The following PTPN12 variants were observed in gnomAD, a reference collection of about 807,000 sequenced individuals.
The protein encoded by PTPN12 is tyrosine-protein phosphatase non-receptor type 12.
Under a neutral mutation model 97.6 loss-of-function variants are expected in PTPN12, and 29 were observed. The observed-to-expected ratio is 0.30, with a 90% CI of 0.22 to 0.41. The LOEUF is 0.41. Among genes scored for constraint, PTPN12 ranks in the 10% least tolerant of loss-of-function variants. PTPN12 has a pLI of 1.00. For missense variants in PTPN12, 819 were observed against 926.0 expected (o/e 0.88, Z 1.50); for synonymous variants, 327 against 300.4 (o/e 1.09, Z -0.91).
intron 1 of PTPN12, among the ~76,000 whole-genome samples, chr7:77,556,968 GT>G (rs1177887131): frequency 2.4e-5 from 3 of 127,216 alleles, no homozygotes; most frequent in African/African-American, 8.9e-5. Context: ...TTGTTTGTTT[GT>G]TTTTGTTTGT....
At chr7:77,598,167 C>T (rs1456181903) in intron 7 of PTPN12, among the ~76,000 whole-genome samples, 4 of 152,072 alleles carry the variant, frequency 2.6e-5, no homozygotes, top group Admixed American at 2.0e-4. Flanking sequence ...CATGATTGTG[C>T]CACTGCACTC....
intron 1 of PTPN12, chr7:77,537,956 C>G (rs1182112851): frequency 5.1e-6 from 4 of 788,608 alleles, no homozygotes; most frequent in Non-Finnish European, 6.2e-6. Flanking sequence ...GGCCGGGAGC[C>G]GTAGGCAAGT....
intron 1 of PTPN12, among the ~76,000 whole-genome samples, chr7:77,548,070 G>A (rs139919588): frequency 1.3e-5 from 2 of 152,088 alleles, no homozygotes; most frequent in African/African-American, 4.8e-5. Context: ...CTTGTCACAT[G>A]GTAAATGTTC....
Position 77,610,285 on chromosome 7 carries a change from CTT to C in PTPN12, c.763-478_763-477del, listed in dbSNP as rs796102448. Reference sequence around the variant, plus strand: ...CTGGCCAATAGAATAAATTCAGTCTCTTTATTATGTTCACAGTCTGATCCTAA... The same window carrying C: ...CTGGCCAATAGAATAAATTCAGTCTCTATTATGTTCACAGTCTGATCCTAA... On this transcript the variant is annotated intron_variant, in intron 9 of 17. Coordinates refer to ENST00000248594, the MANE Select transcript of PTPN12 (RefSeq NM_002835.4). Among the ~76,000 whole-genome samples, 7 of 152,302 alleles carry C rather than the reference CTT, an allele frequency of 4.6e-5. No homozygotes were observed. In the South Asian group the frequency reaches 6.2e-4, roughly 14 times the overall value.
At chr7:77,587,829 A>C (rs2109923) in intron 5 of PTPN12, among the ~76,000 whole-genome samples, 110,077 of 152,198 alleles carry the variant, frequency 0.72, 41,216 homozygotes, top group East Asian at 0.9. Flanking sequence ...GCAGCCTCTA[A>C]ATCAGAATTT....
intron 2 of PTPN12, among the ~76,000 whole-genome samples, chr7:77,571,606 C>G (rs1007412420): frequency 2.0e-5 from 3 of 152,194 alleles, no homozygotes; most frequent in African/African-American, 7.2e-5. Context: ...TAGGATGACT[C>G]AAACATCTGT....
At chr7:77,540,291 G>T (rs1341866299) in intron 1 of PTPN12, among the ~76,000 whole-genome samples, 1 of 149,014 alleles carries the variant, frequency 6.7e-6, no homozygotes, top group East Asian at 2.0e-4. Context: ...AGGTTGGAGT[G>T]CAGTGGCTCA....
intron 5 of PTPN12, among the ~76,000 whole-genome samples, chr7:77,589,191 A>G (rs1162288085): frequency 6.6e-6 from 1 of 152,074 alleles, no homozygotes; most frequent in African/African-American, 2.4e-5. Flanking sequence ...AGGCCTGAAT[A>G]TCTTGATTAG....
intron 14 of PTPN12, among the ~76,000 whole-genome samples, chr7:77,634,396 TTTTTG>T (rs1305074294): frequency 6.6e-6 from 1 of 152,104 alleles, no homozygotes; most frequent in African/African-American, 2.4e-5. Context: ...TTTTGACTGA[TTTTTG>T]TTTTGTTTCA....
chr7:77,621,547 T>TGCCCTTGGG, intron 12 of PTPN12, among the ~76,000 whole-genome samples: 1 of 151,940 alleles, frequency 6.6e-6, no homozygotes, highest in Non-Finnish European at 1.5e-5. Context: ...CGGGCACCTG[T>TGCCCTTGGG]AGTCTCAGCT....
intron 15 of PTPN12, among the ~76,000 whole-genome samples, chr7:77,636,169 C>G (rs2061603737): frequency 1.3e-5 from 2 of 152,030 alleles, no homozygotes; most frequent in Non-Finnish European, 2.9e-5. Flanking sequence ...TTTTCAGGGT[C>G]CTAATTCTTT....
At position 77,627,025 on chromosome 7, in the gene PTPN12, G is replaced by C; in HGVS notation, c.1346G>C (p.Ser449Thr). The C allele has an allele frequency of 6.2e-7, 1 of 1,608,420 alleles. No homozygotes were observed. Among genetic ancestry groups the C allele is most frequent in the Non-Finnish European group, 8.5e-7 (1 of 1,178,200 alleles). The change falls in exon 13 of 18, where the codon AGT (serine) becomes ACT (threonine). Residue 449 changes from serine (S) to threonine (T), a missense_variant. Coordinates refer to ENST00000248594, the MANE Select transcript of PTPN12 (RefSeq NM_002835.4). ...GTCCCTCTCCAAGAGGGACCAAAAAGTTTTGATGGGAACACACTTTTGAAT... is the reference window on the plus strand; with the variant it reads ...GTCCCTCTCCAAGAGGGACCAAAAACTTTTGATGGGAACACACTTTTGAAT... Reference protein sequence around the residue: ...KKVPLQEGPKSFDGNTLLNRG... With the variant: ...KKVPLQEGPKTFDGNTLLNRG...
chr7:77,538,011 G>A (rs1584074310), intron 1 of PTPN12: 1 of 1,006,162 alleles, frequency 9.9e-7, no homozygotes, highest in Non-Finnish European at 1.2e-6. Context: ...ACACCTCCCC[G>A]CGCAGTTCGC....
At chr7:77,570,565 T>C (rs977840964) in intron 1 of PTPN12, among the ~76,000 whole-genome samples, 2 of 152,228 alleles carry the variant, frequency 1.3e-5, no homozygotes, top group Admixed American at 1.3e-4. Context: ...TGTAATGCAG[T>C]GAATAAGCAG....
At chr7:77,610,561 C>CT (rs1377287795) in intron 9 of PTPN12, among the ~76,000 whole-genome samples, 1 of 152,198 alleles carries the variant, frequency 6.6e-6, no homozygotes, top group Non-Finnish European at 1.5e-5. Context: ...CTGGACATAA[C>CT]TGTCTCCCCA....
chr7:77,538,106 G>A (rs1806752847), intron 1 of PTPN12: 1 of 990,050 alleles, frequency 1.0e-6, no homozygotes. Context: ...GGGGTATTGA[G>A]GTTGGCACTA....
chr7:77,624,111 AC>A (rs1439727498), intron 12 of PTPN12, among the ~76,000 whole-genome samples: 5 of 152,104 alleles, frequency 3.3e-5, no homozygotes, highest in South Asian at 4.1e-4. Flanking sequence ...TACAAAAAAT[AC>A]AAAACTTAGC....
chr7:77,588,958 C>T (rs1787780092), intron 5 of PTPN12, among the ~76,000 whole-genome samples: 1 of 152,058 alleles, frequency 6.6e-6, no homozygotes, highest in Non-Finnish European at 1.5e-5. Flanking sequence ...CTGCAACCTC[C>T]ATCTCCCGGG....
intron 1 of PTPN12, among the ~76,000 whole-genome samples, chr7:77,569,396 A>G (rs13236741): frequency 6.6e-6 from 1 of 152,100 alleles, no homozygotes; most frequent in Non-Finnish European, 1.5e-5. Flanking sequence ...CAGCTCTCTC[A>G]TATTTGATGG....
Sources: allele counts gnomAD v4.1 joint callset (sites outside exome capture counted in the v4.1 genomes callset), GRCh38; gene constraint gnomAD v4.1.1; transcripts MANE v1.5; gene names NCBI Gene and HGNC (gene_info 2026-07-23, HGNC 2026-07-21).